TMEM38B: variants seen among roughly 807,000 people sequenced by gnomAD.
The protein encoded by TMEM38B is transmembrane protein 38B.
In TMEM38B, 24 loss-of-function variants were observed where a neutral mutation model predicts 28.7. That is an observed-to-expected ratio of 0.84 (90% CI 0.61 to 1.18). The LOEUF (loss-of-function observed/expected upper bound fraction) is 1.18, where lower values mean the gene tolerates loss of function less well. Among genes scored for constraint, TMEM38B ranks in the 50% most tolerant of loss-of-function variants. The pLI, the probability that TMEM38B is intolerant of heterozygous loss-of-function variation, is 0.00. For synonymous variants in TMEM38B, 131 were observed against 127.7 expected (o/e 1.03, Z -0.17); for missense variants, 380 against 350.9 (o/e 1.08, Z -0.66).
At position 105,773,796 on chromosome 9, in the gene TMEM38B, TTTG is replaced by T. The variant is rs1319079171; in HGVS notation, c.661-66_661-64del. 1.4e-5 allele frequency: 21 copies of T among 1,488,050 alleles called. No individual in the cohort carries two copies. In the African/African-American group the frequency reaches 2.7e-4, roughly 19 times the overall value. The allele number at this position is 1,488,050 out of a possible 1,614,324, so 92.2% of individuals were successfully genotyped here. A position where few individuals can be genotyped will look rare whatever the true frequency, so the allele number is the denominator to read the frequency against. On this transcript the variant is annotated intron_variant, in intron 5 of 5. Transcript: ENST00000374692. ...ATAATGCATTTTGATTTTTTTTCCT[TTTG>T]TTTCTCTCTCTTGAGAAACAGAAAT...
chr9:105,709,268 C>T (rs1835803511), intron 2 of TMEM38B, among the ~76,000 whole-genome samples: 1 of 151,970 alleles, frequency 6.6e-6, no homozygotes, highest in African/African-American at 2.4e-5. Flanking sequence ...AATATAACTC[C>T]AGTATATTAC....
At chr9:105,710,079 G>C (rs1368897321) in intron 2 of TMEM38B, among the ~76,000 whole-genome samples, 1 of 152,218 alleles carries the variant, frequency 6.6e-6, no homozygotes, top group East Asian at 1.9e-4. Context: ...TTTCAAACTT[G>C]AGGGGACTTC....
intron 5 of TMEM38B, among the ~76,000 whole-genome samples, chr9:105,750,055 C>G (rs558378171): frequency 5.3e-5 from 8 of 152,296 alleles, no homozygotes; most frequent in South Asian, 2.1e-4. Context: ...TATAGCCACC[C>G]TAGTGGGTGT....
In TMEM38B at chr9:105,759,933, A is replaced by C; in HGVS notation, c.660+11743A>C. 5 of 1,587,644 alleles carry C rather than the reference A, an allele frequency of 3.1e-6. No individual in the cohort carries two copies. The South Asian group carries it at 5.6e-5, about 18-fold the overall frequency. ...AAATGATCATGAAACCAAATGTTGG[A>C]CAAAGCAGCACAAGTGTGCAAACAG... On this transcript the variant is annotated intron_variant, in intron 5 of 5. Transcript: ENST00000374692.
intron 2 of TMEM38B, 149 bp downstream of exon 2, chr9:105,705,902 G>GT (rs370270920): frequency 0.14 from 68,411 of 488,482 alleles, 3 homozygotes; most frequent in South Asian, 0.18. Flanking sequence ...ATGCTAAGGG[G>GT]TTTTTTTTTT....
chr9:105,720,376 A>G (rs746549888), intron 2 of TMEM38B, among the ~76,000 whole-genome samples: 24 of 152,056 alleles, frequency 1.6e-4, no homozygotes, highest in African/African-American at 4.3e-4. Flanking sequence ...ATAAAGAGCT[A>G]TTTTTAGGCA....
At chr9:105,721,320 C>T (rs1836308867) in intron 2 of TMEM38B, among the ~76,000 whole-genome samples, 1 of 152,228 alleles carries the variant, frequency 6.6e-6, no homozygotes, top group Non-Finnish European at 1.5e-5. Flanking sequence ...TTACATTCTT[C>T]TCTGATCATG....
chr9:105,768,004 T>A (rs1588478976), intron 5 of TMEM38B, among the ~76,000 whole-genome samples: 1 of 152,284 alleles, frequency 6.6e-6, no homozygotes, highest in African/African-American at 2.4e-5. Context: ...TTGTTTTGTT[T>A]GTGACCTTAG....
At chr9:105,726,715 T>C (rs1483950858) in intron 4 of TMEM38B, among the ~76,000 whole-genome samples, 1 of 152,164 alleles carries the variant, frequency 6.6e-6, no homozygotes, top group Non-Finnish European at 1.5e-5. Flanking sequence ...GCAATCTCTA[T>C]CTTTTAATTG....
intron 5 of TMEM38B, among the ~76,000 whole-genome samples, chr9:105,764,904 A>AC (rs1001119020): frequency 8.5e-5 from 13 of 152,138 alleles, no homozygotes; most frequent in Non-Finnish European, 1.9e-4. Context: ...ATGGAACAGA[A>AC]CAGACCCCTC....
At chr9:105,756,667 G>A (rs989390773) in intron 5 of TMEM38B, among the ~76,000 whole-genome samples, 3 of 152,042 alleles carry the variant, frequency 2.0e-5, no homozygotes, top group Non-Finnish European at 4.4e-5. Context: ...GTAAAGTTCT[G>A]TATTTTAACA....
At chr9:105,760,659 C>T in intron 5 of TMEM38B, 1 of 938,504 alleles carries the variant, frequency 1.1e-6, no homozygotes, top group Non-Finnish European at 1.8e-6. Flanking sequence ...GATTTCCAAC[C>T]ACGGAGATTG....
chr9:105,731,346 C>T (rs572357686), intron 4 of TMEM38B, among the ~76,000 whole-genome samples: 18 of 151,522 alleles, frequency 1.2e-4, no homozygotes, highest in African/African-American at 2.7e-4. Context: ...AGGGTACATG[C>T]GCACAAAGTG....
At chr9:105,706,453 A>G (rs1302397378) in intron 2 of TMEM38B, among the ~76,000 whole-genome samples, 1 of 152,180 alleles carries the variant, frequency 6.6e-6, no homozygotes, top group Non-Finnish European at 1.5e-5. Context: ...CAGTGGATTT[A>G]CCTCCAAAAA....
chr9:105,749,778 C>T (rs181953228), intron 5 of TMEM38B, among the ~76,000 whole-genome samples: 1 of 152,300 alleles, frequency 6.6e-6, no homozygotes, highest in Non-Finnish European at 1.5e-5. Flanking sequence ...AGTTGATGGA[C>T]ATTTTGATTG....
Position 105,758,018 on chromosome 9 carries a change from C to G in TMEM38B, c.660+9828C>G, listed in dbSNP as rs1837895414. On this transcript the variant is annotated intron_variant, in intron 5 of 5. Transcript: ENST00000374692. ...GGTATGGTACGGGGCACAACTTTAT[C>G]AGAACCACTTTAAAAAAATTCTTTA... 4.3e-5 allele frequency: 10 copies of G among 233,032 alleles called. No individual in the cohort carries two copies. The South Asian group carries it at 8.0e-4, about 19-fold the overall frequency. The allele number at this position is 233,032 out of a possible 1,614,324, so 14.4% of individuals were successfully genotyped here.
Position 105,694,657 on chromosome 9 carries a change from C to T in TMEM38B, c.-4C>T, listed in dbSNP as rs201170933. On this transcript the variant is annotated 5_prime_UTR_variant, in exon 1 of 6. Coordinates refer to ENST00000374692, the MANE Select transcript of TMEM38B (RefSeq NM_018112.3). ...TGCTTCGGTTGCCGCGGTCGGTGGT[C>T]GTTATGGATTCTCCATGGGACGAGT... 1 of 1,612,408 alleles carries T rather than the reference C, an allele frequency of 6.2e-7. No homozygotes were observed. Among genetic ancestry groups the T allele is most frequent in the Non-Finnish European group, 8.5e-7 (1 of 1,178,680 alleles).
intron 2 of TMEM38B, among the ~76,000 whole-genome samples, chr9:105,712,512 C>G (rs1379028786): frequency 6.6e-6 from 1 of 152,186 alleles, no homozygotes; most frequent in African/African-American, 2.4e-5. Context: ...TCATTATATT[C>G]TTCTGTTCTT....
At chr9:105,766,366 A>G (rs1232069612) in intron 5 of TMEM38B, among the ~76,000 whole-genome samples, 4 of 152,246 alleles carry the variant, frequency 2.6e-5, no homozygotes, top group Middle Eastern at 3.4e-3. Flanking sequence ...ATGGCTAGAG[A>G]TTTGAGCGTC....
Sources: gnomAD v4.1 joint callset for allele counts (sites outside exome capture counted in the v4.1 genomes callset) on GRCh38, gnomAD v4.1.1 for gene constraint, MANE v1.5 for transcripts, NCBI Gene and HGNC (gene_info 2026-07-23, HGNC 2026-07-21) for gene names.